ANKS1B: variants seen among roughly 807,000 people sequenced by gnomAD.
ANKS1B encodes ankyrin repeat and sterile alpha motif domain containing 1B, also known as ankyrin repeat and sterile alpha motif domain-containing protein 1B.
ANKS1B carries 36 observed loss-of-function variants against 148.3 expected under a neutral mutation model. That is an observed-to-expected ratio of 0.24 (90% CI 0.19 to 0.32). The LOEUF is 0.32. Among genes scored for constraint, ANKS1B ranks in the 10% least tolerant of loss-of-function variants. ANKS1B has a pLI of 1.00. For synonymous variants in ANKS1B, 542 were observed against 560.8 expected (o/e 0.97, Z 0.47); for missense variants, 1,157 against 1,542.6 (o/e 0.75, Z 4.19).
At chr12:98,978,557 A>C (rs1375537642) in intron 17 of ANKS1B, among the ~76,000 whole-genome samples, 2 of 152,148 alleles carry the variant, frequency 1.3e-5, no homozygotes, top group Non-Finnish European at 2.9e-5. Flanking sequence ...TAGAGTACTC[A>C]CATAAAACTT....
At chr12:98,927,956 G>T (rs2099810228) in intron 17 of ANKS1B, among the ~76,000 whole-genome samples, 1 of 150,792 alleles carries the variant, frequency 6.6e-6, no homozygotes, top group African/African-American at 2.4e-5. Context: ...ATAATTTAGA[G>T]AACAGTAAAA....
intron 17 of ANKS1B, among the ~76,000 whole-genome samples, chr12:98,967,316 T>G (rs1026467898): frequency 2.0e-5 from 3 of 152,126 alleles, no homozygotes; most frequent in African/African-American, 7.2e-5. Flanking sequence ...ACTTTCTTCC[T>G]GGAAGACTCT....
rs1379912643 is a variant in ANKS1B, at chr12:98,875,654, G to A, written c.2779-43518C>T. 2.0e-5 allele frequency among the ~76,000 whole-genome samples: 3 copies of A among 152,266 alleles called. No individual in the cohort carries two copies. The East Asian group carries it at 5.8e-4, about 29-fold the overall frequency. On this transcript the variant is annotated intron_variant, in intron 17 of 26. Transcript: ENST00000683438. ...TTTTTCTACTCTATCTATAAATGGT[G>A]GGAGGCAGGGGCTGTTTTAATCCTC...
In ANKS1B at chr12:99,402,310, C is replaced by T. The variant is rs1013469603; in HGVS notation, c.1576-2499G>A. 8.2e-5 allele frequency among the ~76,000 whole-genome samples: 12 copies of T among 145,680 alleles called. 2 individuals are homozygous for T. The highest frequency in any genetic ancestry group is 2.3e-4 in the African/African-American group (9 of 38,412). On this transcript the variant is annotated intron_variant, in intron 11 of 26. Transcript: ENST00000683438. ...TAGTTTTATGAGATGTTAAAGTGAA[C>T]CTTCCTTTTTTATATTTTTATTTTA...
chr12:99,685,897 G>T (rs1248256701), intron 8 of ANKS1B, among the ~76,000 whole-genome samples: 8 of 152,076 alleles, frequency 5.3e-5, no homozygotes, highest in Admixed American at 1.3e-4. Context: ...ACCAAACATT[G>T]TATGTTCTCA....
intron 1 of ANKS1B, among the ~76,000 whole-genome samples, chr12:99,900,590 C>T (rs1042907621): frequency 4.0e-5 from 6 of 151,324 alleles, no homozygotes; most frequent in Non-Finnish European, 7.4e-5. Context: ...ATTCAAAGAG[C>T]TATAATTTCC....
intron 8 of ANKS1B, among the ~76,000 whole-genome samples, chr12:99,703,920 T>C (rs2055293962): frequency 2.0e-5 from 3 of 152,120 alleles, no homozygotes; most frequent in African/African-American, 7.2e-5. Flanking sequence ...ATTATTTCTA[T>C]GATCAGTCTC....
intron 10 of ANKS1B, among the ~76,000 whole-genome samples, chr12:99,487,200 C>T (rs549719272): frequency 6.6e-6 from 1 of 152,260 alleles, no homozygotes. Context: ...GTACACTCCC[C>T]CTTCTCCTAG....
At chr12:99,549,115 C>A (rs1005256802) in intron 9 of ANKS1B, among the ~76,000 whole-genome samples, 5 of 152,162 alleles carry the variant, frequency 3.3e-5, no homozygotes, top group Non-Finnish European at 4.4e-5. Context: ...AAAGAAGAAA[C>A]CGAAACTCTA....
chr12:99,705,744 T>C (rs1421500412), intron 8 of ANKS1B, among the ~76,000 whole-genome samples: 1 of 151,908 alleles, frequency 6.6e-6, no homozygotes, highest in Non-Finnish European at 1.5e-5. Flanking sequence ...TGGAGAAGAA[T>C]TGCAAGGTTG....
chr12:98,819,329 C>G (rs1230837322), intron 19 of ANKS1B, among the ~76,000 whole-genome samples: 1 of 152,208 alleles, frequency 6.6e-6, no homozygotes, highest in Non-Finnish European at 1.5e-5. Flanking sequence ...CTGCCCAGAG[C>G]TGGGGAACCA....
intron 9 of ANKS1B, among the ~76,000 whole-genome samples, chr12:99,585,554 C>G (rs1156919726): frequency 6.6e-6 from 1 of 152,222 alleles, no homozygotes; most frequent in African/African-American, 2.4e-5. Context: ...AGTGCGGACT[C>G]TGTGTGGGAG....
intron 1 of ANKS1B, among the ~76,000 whole-genome samples, chr12:99,838,833 T>A (rs2085259633): frequency 6.6e-6 from 1 of 152,110 alleles, no homozygotes; most frequent in Admixed American, 6.6e-5. Context: ...CAATACCACT[T>A]TAAAATAATT....
chr12:99,825,162 C>T, intron 2 of ANKS1B, 147 bp downstream of exon 2: 1 of 622,380 alleles, frequency 1.6e-6, no homozygotes. Flanking sequence ...CCAAGTCTAA[C>T]TTGTCAGTGT....
chr12:99,596,858 TATATTGTTA>T (rs2097762307), intron 9 of ANKS1B, among the ~76,000 whole-genome samples: 1 of 151,896 alleles, frequency 6.6e-6, no homozygotes, highest in African/African-American at 2.4e-5. Context: ...AGGAAGCATC[TATATTGTTA>T]GGATCAGAGT....
intron 9 of ANKS1B, among the ~76,000 whole-genome samples, chr12:99,552,240 A>G (rs778318092): frequency 1.3e-5 from 2 of 152,190 alleles, no homozygotes; most frequent in Non-Finnish European, 2.9e-5. Context: ...TTGTCTTCCA[A>G]AAAAGATTAC....
intron 16 of ANKS1B, among the ~76,000 whole-genome samples, chr12:99,080,162 C>A (rs1286630741): frequency 2.0e-5 from 3 of 152,226 alleles, no homozygotes; most frequent in Non-Finnish European, 4.4e-5. Flanking sequence ...ATAAACCTTT[C>A]TCTCTACAAA....
chr12:99,960,602 A>G (rs1332309224), intron 1 of ANKS1B, among the ~76,000 whole-genome samples: 5 of 152,202 alleles, frequency 3.3e-5, no homozygotes, highest in Non-Finnish European at 7.3e-5. Context: ...AGGGGAAATA[A>G]GAAAACCCTG....
intron 11 of ANKS1B, among the ~76,000 whole-genome samples, chr12:99,427,074 C>T (rs1446596135): frequency 1.3e-5 from 2 of 152,204 alleles, no homozygotes; most frequent in African/African-American, 4.8e-5. Context: ...ATTTACCCAC[C>T]AATCCAAATA....
Sources: allele counts gnomAD v4.1 joint callset (sites outside exome capture counted in the v4.1 genomes callset), GRCh38; gene constraint gnomAD v4.1.1; transcripts MANE v1.5; gene names NCBI Gene and HGNC (gene_info 2026-07-23, HGNC 2026-07-21).